TMEM132B: variants seen among roughly 807,000 people sequenced by gnomAD.
The protein encoded by TMEM132B is transmembrane protein 132B.
A neutral mutation model predicts 90.8 loss-of-function variants in TMEM132B; 18 were observed. The ratio of observed to expected loss-of-function variants is 0.20; its 90% confidence interval spans 0.14 to 0.29. The LOEUF (loss-of-function observed/expected upper bound fraction) is 0.29, where lower values mean the gene tolerates loss of function less well. Among genes scored for constraint, TMEM132B ranks in the 10% least tolerant of loss-of-function variants. TMEM132B has a pLI of 1.00. For synonymous variants in TMEM132B, 504 were observed against 523.3 expected (o/e 0.96, Z 0.50); for missense variants, 1,096 against 1,326.8 (o/e 0.83, Z 2.70).
At chr12:125,597,244 G>A (rs1006721138) in intron 5 of TMEM132B, among the ~76,000 whole-genome samples, 2 of 152,124 alleles carry the variant, frequency 1.3e-5, no homozygotes, top group African/African-American at 4.8e-5. Context: ...TTGTTTTCAT[G>A]TTAAATATAT....
At chr12:125,436,721 G>A (rs1880715689) in intron 3 of TMEM132B, among the ~76,000 whole-genome samples, 1 of 152,132 alleles carries the variant, frequency 6.6e-6, no homozygotes. Flanking sequence ...AAATTTCTGT[G>A]GTTAAAGCCA....
At chr12:125,512,112 T>C (rs1190743953) in intron 3 of TMEM132B, among the ~76,000 whole-genome samples, 2 of 152,132 alleles carry the variant, frequency 1.3e-5, no homozygotes, top group Non-Finnish European at 2.9e-5. Flanking sequence ...AGGTGCCTAC[T>C]AGGGAGCTCA....
chr12:125,648,608 A>T (rs932548145), intron 6 of TMEM132B, among the ~76,000 whole-genome samples: 2 of 152,036 alleles, frequency 1.3e-5, no homozygotes, highest in Non-Finnish European at 2.9e-5. Flanking sequence ...AAAAGTTTAA[A>T]TAAATGAATA....
intron 4 of TMEM132B, among the ~76,000 whole-genome samples, chr12:125,534,622 T>C (rs567570412): frequency 6.6e-6 from 1 of 152,194 alleles, no homozygotes; most frequent in East Asian, 1.9e-4. Flanking sequence ...AAAAGGTTTA[T>C]GGTAAAAACA....
intron 5 of TMEM132B, among the ~76,000 whole-genome samples, chr12:125,612,004 TA>T (rs1885840556): frequency 6.6e-6 from 1 of 152,168 alleles, no homozygotes; most frequent in African/African-American, 2.4e-5. Context: ...GTTGGGAATT[TA>T]AGACTCCCAC....
At chr12:125,304,887 G>T (rs1275722786) in intron 1 of TMEM132B, among the ~76,000 whole-genome samples, 1 of 152,120 alleles carries the variant, frequency 6.6e-6, no homozygotes, top group African/African-American at 2.4e-5. Flanking sequence ...CACATTCGTA[G>T]TGCAGGTATT....
intron 2 of TMEM132B, among the ~76,000 whole-genome samples, chr12:125,379,159 C>G (rs1256604609): frequency 6.6e-6 from 1 of 152,150 alleles, no homozygotes; most frequent in African/African-American, 2.4e-5. Context: ...CCAAAGATGT[C>G]CAAGTCTTAA....
At chr12:125,451,097 A>G (rs1036180487) in intron 3 of TMEM132B, among the ~76,000 whole-genome samples, 2 of 152,244 alleles carry the variant, frequency 1.3e-5, no homozygotes, top group Non-Finnish European at 2.9e-5. Flanking sequence ...GGGATATGCA[A>G]TAACAGACAC....
chr12:125,493,695 G>C (rs1345304066), intron 3 of TMEM132B, among the ~76,000 whole-genome samples: 1 of 152,062 alleles, frequency 6.6e-6, no homozygotes, highest in African/African-American at 2.4e-5. Flanking sequence ...AGGAGGAGGG[G>C]GAGGTAGAGT....
rs559668851 is a variant in TMEM132B, at chr12:125,563,651, G to A, written c.1294-20200G>A. Among the ~76,000 whole-genome samples, 5 of 152,116 alleles carry A rather than the reference G, an allele frequency of 3.3e-5. No individual in the cohort carries two copies. The East Asian group carries it at 9.7e-4, about 29-fold the overall frequency. ...GTGCAATAAGGTGAAGCCAAGTGAG[G>A]TGTTCCCATAGGCCCTTTGAAAAGT... On this transcript the variant is annotated intron_variant, in intron 4 of 8. Transcript: ENST00000682704.
chr12:125,622,079 G>A (rs896432718), intron 5 of TMEM132B, among the ~76,000 whole-genome samples: 1 of 152,102 alleles, frequency 6.6e-6, no homozygotes, highest in South Asian at 2.1e-4. Flanking sequence ...CAGGGCTTGG[G>A]GTGTCCTCCC....
At chr12:125,513,059 C>G (rs1883022438) in intron 3 of TMEM132B, among the ~76,000 whole-genome samples, 1 of 152,216 alleles carries the variant, frequency 6.6e-6, no homozygotes, top group South Asian at 2.1e-4. Context: ...TAGCCCAGTC[C>G]TCAAAGCTCA....
At chr12:125,365,868 A>T (rs1878116075) in intron 2 of TMEM132B, among the ~76,000 whole-genome samples, 2 of 152,156 alleles carry the variant, frequency 1.3e-5, no homozygotes, top group Admixed American at 6.6e-5. Flanking sequence ...TGTTGGGAAC[A>T]TTAGAATTCT....
chr12:125,353,421 G>T (rs1453131012), intron 2 of TMEM132B, among the ~76,000 whole-genome samples: 3 of 152,198 alleles, frequency 2.0e-5, no homozygotes, highest in Non-Finnish European at 4.4e-5. Context: ...GAAAAGGAGG[G>T]CAGATGGTCT....
chr12:125,502,516 A>G (rs925931713), intron 3 of TMEM132B, among the ~76,000 whole-genome samples: 1 of 152,184 alleles, frequency 6.6e-6, no homozygotes, highest in African/African-American at 2.4e-5. Context: ...GAAGGGAGAT[A>G]CAAAATGGGT....
In TMEM132B at chr12:125,460,676, G is replaced by T. The variant is rs532893136; in HGVS notation, c.1106+44999G>T. Among the ~76,000 whole-genome samples the T allele has an allele frequency of 5.3e-5, 8 of 152,282 alleles. No individual in the cohort carries two copies. The South Asian group carries it at 1.5e-3, about 28-fold the overall frequency. On this transcript the variant is annotated intron_variant, in intron 3 of 8. Transcript: ENST00000682704. The surrounding 1 kb of genome is among the most constrained non-coding windows in gnomAD (Gnocchi z 4.4). ...AGCCCATAGACCAGAGTCAAAGGATGAAATAAAACAGTTGATTCCAGACCA... is the reference window on the plus strand; with the variant it reads ...AGCCCATAGACCAGAGTCAAAGGATTAAATAAAACAGTTGATTCCAGACCA...
At chr12:125,615,484 C>G (rs1885964601) in intron 5 of TMEM132B, among the ~76,000 whole-genome samples, 1 of 152,082 alleles carries the variant, frequency 6.6e-6, no homozygotes, top group Admixed American at 6.6e-5. Flanking sequence ...CTTCTTCCAC[C>G]TCAAATCTAT....
chr12:125,188,268 G>T (rs115139641), intron 1 of TMEM132B, among the ~76,000 whole-genome samples: 1 of 152,202 alleles, frequency 6.6e-6, no homozygotes, highest in Non-Finnish European at 1.5e-5. Flanking sequence ...CTAAGGAGCA[G>T]CTATGATAGC....
At position 125,415,017 on chromosome 12, in the gene TMEM132B, G is replaced by C. The variant is rs1444507247; in HGVS notation, c.960-514G>C. ...TCTGGCCCCGTTATCCTGCCTGAAT[G>C]CCACATTTGTTCTTCAAACACCTGA... On this transcript the variant is annotated intron_variant, in intron 2 of 8. Coordinates refer to ENST00000682704, the MANE Select transcript of TMEM132B (RefSeq NM_001366854.1). This position sits in a 1 kb window ranked among gnomAD's most constrained non-coding sequence, Gnocchi z 5.3. Among the ~76,000 whole-genome samples the C allele has an allele frequency of 6.6e-6, 1 of 152,120 alleles. No homozygotes were observed. Among genetic ancestry groups the C allele is most frequent in the Non-Finnish European group, 1.5e-5 (1 of 68,022 alleles).
Sources: allele counts gnomAD v4.1 joint callset (sites outside exome capture counted in the v4.1 genomes callset), GRCh38; gene constraint gnomAD v4.1.1; non-coding constraint Gnocchi (gnomAD v3.1); transcripts MANE v1.5; gene names NCBI Gene and HGNC (gene_info 2026-07-23, HGNC 2026-07-21).